FST: variants seen among roughly 807,000 people sequenced by gnomAD.
FST encodes the protein activin-binding protein.
In FST, 6 loss-of-function variants were observed where a neutral mutation model predicts 38.4. The observed-to-expected ratio is 0.16, with a 90% confidence interval of 0.09 to 0.31. FST has a LOEUF of 0.31. Among genes scored for constraint, FST ranks in the 10% least tolerant of loss-of-function variants. FST has a pLI of 1.00. For missense variants in FST, 301 were observed against 432.3 expected, an observed-to-expected ratio of 0.70 and a Z score of 2.69; for synonymous variants, 157 against 169.8, an observed-to-expected ratio of 0.92 and a Z score of 0.59.
Position 53,485,984 on chromosome 5 carries a change from A to G in FST, c.986A>G (p.Asp329Gly), listed in dbSNP as rs1747523805. The change falls in exon 6 of 6, where the codon GAT becomes GGT. Residue 329 changes from aspartate (D) to glycine (G), a missense_variant. Transcript: ENST00000256759. Reference sequence around the variant, plus strand: ...GAAGACACCGAGGAAGAGGAGGAAGATGAAGACCAGGACTACAGCTTTCCT... The same window carrying G: ...GAAGACACCGAGGAAGAGGAGGAAGGTGAAGACCAGGACTACAGCTTTCCT... Reference protein sequence around the residue: ...ISEDTEEEEEDEDQDYSFPIS... With the variant: ...ISEDTEEEEEGEDQDYSFPIS... 2.5e-6 allele frequency: 4 copies of G among 1,598,968 alleles called. No homozygotes were observed. Among genetic ancestry groups the G allele is most frequent in the Non-Finnish European group, 3.4e-6 (4 of 1,172,750 alleles).
chr5:53,480,892 T>C lies in FST; in HGVS notation c.85+16T>C. ...AGTGCCCAGGGTAAGCGAGTGGGGA[T>C]GCGCTGGGGAGGCTTGGCTGAGGAC... On this transcript the variant is annotated intron_variant, in intron 1 of 5. Transcript: ENST00000256759. 6.9e-7 allele frequency: 1 copy of C among 1,455,950 alleles called. No homozygotes were observed. The allele number at this position is 1,455,950 out of a possible 1,614,324, so 90.2% of individuals were successfully genotyped here. A position where few individuals can be genotyped will look rare whatever the true frequency, so the allele number is the denominator to read the frequency against.
Position 53,483,810 on chromosome 5 carries a change from A to T in FST, c.496+88A>T, listed in dbSNP as rs1289916040. The T allele has an allele frequency of 3.1e-6, 3 of 953,444 alleles. No homozygotes were observed. In the African/African-American group the frequency reaches 4.9e-5, roughly 15 times the overall value. The allele number at this position is 953,444 out of a possible 1,614,324, so 59.1% of individuals were successfully genotyped here. A position where few individuals can be genotyped will look rare whatever the true frequency, so the allele number is the denominator to read the frequency against. ...AGACCCTCTAGAAGACCCTTGGGGG[A>T]TGGTGTAGTCCGCAGTAAGAGCCTG... On this transcript the variant is annotated intron_variant, in intron 3 of 5. Transcript: ENST00000256759. The surrounding 1 kb of genome is among the most constrained non-coding windows in gnomAD (Gnocchi z 4.1).
chr5:53,481,608 T>G (rs1747220857), intron 1 of FST, among the ~76,000 whole-genome samples: 1 of 152,140 alleles, frequency 6.6e-6, no homozygotes, highest in Non-Finnish European at 1.5e-5. Flanking sequence ...ACTTAAATTC[T>G]GAAATGGGTT....
chr5:53,486,089 A>AG lies in FST; in HGVS notation c.*56_*57insG, dbSNP rs1480424409. On this transcript the variant is annotated 3_prime_UTR_variant, in exon 6 of 6. Coordinates refer to ENST00000256759, the MANE Select transcript of FST (RefSeq NM_013409.3). ...CCTTTGTGCAAAAAAAAAAAAAAAA[A>AG]AAAAGAAAAAGAAAAAAAGAAAAAT... 7 of 895,572 alleles carry AG rather than the reference A, an allele frequency of 7.8e-6. No homozygotes were observed. The Admixed American group carries it at 1.1e-4, about 14-fold the overall frequency. 55.5% of individuals were successfully genotyped at this position (895,572 alleles called of 1,614,324 possible).
intron 5 of FST, 144 bp from the exon 6 acceptor site, chr5:53,485,807 A>G (rs1286960202): frequency 6.3e-7 from 1 of 1,595,184 alleles, no homozygotes; most frequent in African/African-American, 1.4e-5. Flanking sequence ...GCCAAAAACA[A>G]AAAAAGCATC....
chr5:53,483,855 C>A lies in FST; in HGVS notation c.496+133C>A. 2 of 715,480 alleles carry A rather than the reference C, an allele frequency of 2.8e-6. No homozygotes were observed. The highest frequency in any genetic ancestry group is 4.7e-6 in the Non-Finnish European group (2 of 424,748). The allele number at this position is 715,480 out of a possible 1,614,324, so 44.3% of individuals were successfully genotyped here. A position where few individuals can be genotyped will look rare whatever the true frequency, so the allele number is the denominator to read the frequency against. On this transcript the variant is annotated intron_variant, in intron 3 of 5. Coordinates refer to ENST00000256759, the MANE Select transcript of FST (RefSeq NM_013409.3). The surrounding 1 kb of genome is among the most constrained non-coding windows in gnomAD (Gnocchi z 4.1). ...AGCCTGATAATAGTAATACTGAAAC[C>A]AAATAAAGGAGTCCTTTTCTAACCT...
In FST at chr5:53,486,341, G is replaced by A; in HGVS notation, c.*308G>A. On this transcript the variant is annotated 3_prime_UTR_variant, in exon 6 of 6. Coordinates refer to ENST00000256759, the MANE Select transcript of FST (RefSeq NM_013409.3). ...TTATACATAAAATGTCTGGTTGACT[G>A]TATACCTTGTTTTTGAAGAAATTTA... The A allele has an allele frequency of 5.3e-6, 1 of 188,998 alleles. No homozygotes were observed. Among genetic ancestry groups the A allele is most frequent in the Non-Finnish European group, 1.1e-5 (1 of 93,026 alleles). 11.7% of individuals were successfully genotyped at this position (188,998 alleles called of 1,614,324 possible).
At chr5:53,482,121 G>A (rs1747255155) in intron 1 of FST, among the ~76,000 whole-genome samples, 1 of 152,214 alleles carries the variant, frequency 6.6e-6, no homozygotes, top group Admixed American at 6.5e-5. Context: ...GGCCCGTCGG[G>A]CTGGCTGCGC....
chr5:53,482,844 T>C (rs1280215359), intron 1 of FST, 36 bp from the exon 2 acceptor site: 1 of 1,401,046 alleles, frequency 7.1e-7, no homozygotes, highest in Non-Finnish European at 9.9e-7. Context: ...CGCTCACTGC[T>C]CACTCACCCA....
Position 53,483,387 on chromosome 5 carries a change from G to A in FST, c.278-117G>A. ...TCCCAATATTCCAGGAGAGAGCCTG[G>A]GGCCCCTCCAGCGCAAACTCAGGGC... On this transcript the variant is annotated intron_variant, in intron 2 of 5. Coordinates refer to ENST00000256759, the MANE Select transcript of FST (RefSeq NM_013409.3). The surrounding 1 kb of genome is among the most constrained non-coding windows in gnomAD (Gnocchi z 4.1). 1 of 764,478 alleles carries A rather than the reference G, an allele frequency of 1.3e-6. No individual in the cohort carries two copies. The highest frequency in any genetic ancestry group is 2.2e-6 in the Non-Finnish European group (1 of 456,162). The allele number at this position is 764,478 out of a possible 1,614,324, so 47.4% of individuals were successfully genotyped here.
Position 53,485,600 on chromosome 5 carries a change from C to T in FST, c.953-351C>T, listed in dbSNP as rs558300194. The T allele has an allele frequency of 1.8e-5, 15 of 828,920 alleles. No individual in the cohort carries two copies. In the East Asian group the frequency reaches 3.4e-4, roughly 19 times the overall value. The allele number at this position is 828,920 out of a possible 1,614,324, so 51.3% of individuals were successfully genotyped here. ...TCATATTATCACACATGGGCTGCTG[C>T]TTTTTGCAGTTGCCTCTACTAACTC... is the stretch of plus-strand genomic sequence containing the variant. On this transcript the variant is annotated intron_variant, in intron 5 of 5. Coordinates refer to ENST00000256759, the MANE Select transcript of FST (RefSeq NM_013409.3).
Position 53,486,154 on chromosome 5 carries a change from T to A in FST, c.*121T>A. On this transcript the variant is annotated 3_prime_UTR_variant, in exon 6 of 6. Coordinates refer to ENST00000256759, the MANE Select transcript of FST (RefSeq NM_013409.3). ...GTAAATAAGTGTATGCTTATTTATT[T>A]GGGGGGAAAACTATACATTAAAGGA... 1.8e-6 allele frequency: 1 copy of A among 562,386 alleles called. No individual in the cohort carries two copies. 34.8% of individuals were successfully genotyped at this position (562,386 alleles called of 1,614,324 possible).
rs3083659 is a variant in FST, at chr5:53,486,072, C to CAAAAAAAAA, written c.*52_*60dup. ...GTTCAGTGTTGACATAGCCTTTGTGCAAAAAAAAAAAAAAAAAAAAAGAAA... is the reference window on the plus strand; with the variant it reads ...GTTCAGTGTTGACATAGCCTTTGTGCAAAAAAAAAAAAAAAAAAAAAAAAAAAAAAGAAA... On this transcript the variant is annotated 3_prime_UTR_variant, in exon 6 of 6. Transcript: ENST00000256759. The CAAAAAAAAA allele has an allele frequency of 2.2e-5, 6 of 266,734 alleles. No homozygotes were observed. The highest frequency in any genetic ancestry group is 9.0e-5 in the South Asian group (1 of 11,094). 16.5% of individuals were successfully genotyped at this position (266,734 alleles called of 1,614,324 possible).
In FST at chr5:53,480,674, C is replaced by T. The variant is rs1296107280; in HGVS notation, c.-118C>T. On this transcript the variant is annotated 5_prime_UTR_variant, in exon 1 of 6. Transcript: ENST00000256759. ...GGCCGGCGGCGAGCGCGGGGCTGCG[C>T]CGGGATCGCTGCGCCCTCCGCCGCT... The T allele has an allele frequency of 6.2e-6, 1 of 160,642 alleles. No homozygotes were observed. Among genetic ancestry groups the T allele is most frequent in the Non-Finnish European group, 1.3e-5 (1 of 77,626 alleles). 10.0% of individuals were successfully genotyped at this position (160,642 alleles called of 1,614,324 possible).
intron 1 of FST, among the ~76,000 whole-genome samples, chr5:53,482,288 TC>T (rs1287616364): frequency 1.8e-4 from 27 of 152,118 alleles, no homozygotes; most frequent in Admixed American, 2.0e-4. Context: ...TCTTTCTCTT[TC>T]TTTTCTTTCT....
intron 4 of FST, 142 bp from the exon 5 acceptor site, chr5:53,484,855 T>C: frequency 1.7e-6 from 1 of 585,864 alleles, no homozygotes; most frequent in South Asian, 2.4e-5. Flanking sequence ...ATATCTCCAT[T>C]ACCCCCATTA....
At chr5:53,481,211 G>A (rs1470903012) in intron 1 of FST, among the ~76,000 whole-genome samples, 2 of 151,470 alleles carry the variant, frequency 1.3e-5, no homozygotes, top group African/African-American at 4.9e-5. Flanking sequence ...TAGTAGCCTG[G>A]AGATTTCAGT....
Position 53,486,185 on chromosome 5 carries a change from G to A in FST, c.*152G>A, listed in dbSNP as rs377294478. 10 of 497,806 alleles carry A rather than the reference G, an allele frequency of 2.0e-5. No homozygotes were observed. In the African/African-American group the frequency reaches 2.0e-4, roughly 10 times the overall value. 30.8% of individuals were successfully genotyped at this position (497,806 alleles called of 1,614,324 possible). A position where few individuals can be genotyped will look rare whatever the true frequency, so the allele number is the denominator to read the frequency against. On this transcript the variant is annotated 3_prime_UTR_variant, in exon 6 of 6. Transcript: ENST00000256759. ...GAAAACTATACATTAAAGGACCTTTGTCCTAAAGCTCTCTCCCAGGCCACC... is the reference window on the plus strand; with the variant it reads ...GAAAACTATACATTAAAGGACCTTTATCCTAAAGCTCTCTCCCAGGCCACC...
Position 53,483,725 on chromosome 5 carries a change from A to G in FST, c.496+3A>G. ...CCAGTACCAAGGCAGATGTAAAAGT[A>G]GGTCCTACCCTGTTGAGCAAGACTG... On this transcript the variant is annotated splice_donor_region_variant and intron_variant, in intron 3 of 5. Transcript: ENST00000256759. This position sits in a 1 kb window ranked among gnomAD's most constrained non-coding sequence, Gnocchi z 4.1. The G allele has an allele frequency of 1.2e-6, 2 of 1,607,294 alleles. No individual in the cohort carries two copies. Among genetic ancestry groups the G allele is most frequent in the Non-Finnish European group, 1.7e-6 (2 of 1,173,816 alleles).
Sources: allele counts gnomAD v4.1 joint callset (sites outside exome capture counted in the v4.1 genomes callset), GRCh38; gene constraint gnomAD v4.1.1; non-coding constraint Gnocchi (gnomAD v3.1); transcripts MANE v1.5; gene names NCBI Gene and HGNC (gene_info 2026-07-23, HGNC 2026-07-21).